The following SPATA2 variants were observed in gnomAD, a reference collection of about 807,000 sequenced individuals.
SPATA2 encodes spermatogenesis-associated protein 2.
A neutral mutation model predicts 35.4 loss-of-function variants in SPATA2; 8 were observed. The observed-to-expected ratio is 0.23, with a 90% CI of 0.13 to 0.41. SPATA2 has a LOEUF of 0.41. Among genes scored for constraint, SPATA2 ranks in the 10% least tolerant of loss-of-function variants. The pLI is 1.00. For missense variants in SPATA2, 650 were observed against 698.7 expected (o/e 0.93, Z 0.79); for synonymous variants, 293 against 300.9 (o/e 0.97, Z 0.27).
At position 49,906,828 on chromosome 20, in the gene SPATA2, A is replaced by C. The variant is rs2090148454; in HGVS notation, c.354T>G (p.Phe118Leu). 1 of 1,610,366 alleles carries C rather than the reference A, an allele frequency of 6.2e-7. No individual in the cohort carries two copies. Among genetic ancestry groups the C allele is most frequent in the Non-Finnish European group, 8.5e-7 (1 of 1,177,294 alleles). The change falls in exon 3 of 3, where the codon TTT (phenylalanine) becomes TTG (leucine). Residue 118 changes from phenylalanine (F) to leucine (L), a missense_variant. Physicochemically the swap from Phe to Leu is conservative, Grantham distance 22 (BLOSUM62 0). Transcript: ENST00000289431. This position sits in a 1 kb window ranked among gnomAD's most constrained non-coding sequence, Gnocchi z 8.2. ...GTAATGTCGACTTGACATAATAAAC[A>C]AAAGGGCCCGTGTAGGTCTAGAAGG... ...FRSIKTYTGP[F>L]VYYVKSTLLE...
At chr20:49,915,015 A>G (rs2090201598) in intron 1 of SPATA2, among the ~76,000 whole-genome samples, 1 of 152,260 alleles carries the variant, frequency 6.6e-6, no homozygotes, top group Non-Finnish European at 1.5e-5. Flanking sequence ...CCAAGGTCAC[A>G]CAGTGAGTAC....
Position 49,906,483 on chromosome 20 carries a change from C to T in SPATA2, c.699G>A (p.Ser233=), listed in dbSNP as rs781711107. ...AGTCCTTGGCCGCCCGCTCGCTGGC[C>T]GACTTCTGGAGTGCCACTCGTGACA... ...ASMSRVALQK[S]ASERAAKDYY... is the part of the protein sequence containing the mutation. The change falls in exon 3 of 3, where the codon TCG becomes TCA. Residue 233 remains serine (S), a synonymous_variant. Transcript: ENST00000289431. This position sits in a 1 kb window ranked among gnomAD's most constrained non-coding sequence, Gnocchi z 8.2. The T allele has an allele frequency of 1.2e-5, 20 of 1,611,164 alleles. No homozygotes were observed. The highest frequency in any genetic ancestry group is 8.9e-5 in the East Asian group (4 of 44,888).
In SPATA2 at chr20:49,903,918, T is replaced by C. The variant is rs1289928634; in HGVS notation, c.*1701A>G. On this transcript the variant is annotated 3_prime_UTR_variant, in exon 3 of 3. Coordinates refer to ENST00000289431, the MANE Select transcript of SPATA2 (RefSeq NM_006038.4). The stretch of plus-strand genomic sequence containing the variant: ...TACCAGATAGATATATATATATATA[T>C]ATATATATATATATATATATATATA... 71 of 35,878 alleles carry C rather than the reference T, an allele frequency of 2.0e-3. 1 individual carries two copies. The highest frequency in any genetic ancestry group is 5.1e-3 in the African/African-American group (67 of 13,220). 2.2% of individuals were successfully genotyped at this position (35,878 alleles called of 1,614,324 possible). A position where few individuals can be genotyped will look rare whatever the true frequency, so the allele number is the denominator to read the frequency against.
At chr20:49,909,475 G>A (rs961912783) in intron 1 of SPATA2, among the ~76,000 whole-genome samples, 3 of 152,042 alleles carry the variant, frequency 2.0e-5, no homozygotes, top group Non-Finnish European at 2.9e-5. Flanking sequence ...GGAGGCTGAC[G>A]GGGGAGGATG....
In SPATA2 at chr20:49,903,915, A is replaced by C. The variant is rs1229564966; in HGVS notation, c.*1704T>G. ...ATCTACCAGATAGATATATATATAT[A>C]TATATATATATATATATATATATAT... On this transcript the variant is annotated 3_prime_UTR_variant, in exon 3 of 3. Transcript: ENST00000289431. 1 of 31,204 alleles carries C rather than the reference A, an allele frequency of 3.2e-5. No homozygotes were observed. The highest frequency in any genetic ancestry group is 6.8e-5 in the Non-Finnish European group (1 of 14,700). The allele number at this position is 31,204 out of a possible 1,614,324, so 1.9% of individuals were successfully genotyped here. A position where few individuals can be genotyped will look rare whatever the true frequency, so the allele number is the denominator to read the frequency against.
In SPATA2 at chr20:49,905,476, G is replaced by A; in HGVS notation, c.*143C>T. 2 of 868,148 alleles carry A rather than the reference G, an allele frequency of 2.3e-6. No individual in the cohort carries two copies. Among genetic ancestry groups the A allele is most frequent in the Non-Finnish European group, 3.5e-6 (2 of 566,180 alleles). 53.8% of individuals were successfully genotyped at this position (868,148 alleles called of 1,614,324 possible). On this transcript the variant is annotated 3_prime_UTR_variant, in exon 3 of 3. Transcript: ENST00000289431. ...GAGTCGCTAAGTGAACTCCCACGTGGACACAGCCAGCCCACGATCTCTGCC... is the reference window on the plus strand; with the variant it reads ...GAGTCGCTAAGTGAACTCCCACGTGAACACAGCCAGCCCACGATCTCTGCC...
At chr20:49,911,644 G>A (rs567087819) in intron 1 of SPATA2, among the ~76,000 whole-genome samples, 22 of 151,340 alleles carry the variant, frequency 1.5e-4, no homozygotes, top group Non-Finnish European at 2.8e-4. Context: ...TCCAGCCTGG[G>A]CAACAGAGCG....
chr20:49,906,379 A>G lies in SPATA2; in HGVS notation c.803T>C (p.Leu268Pro). The G allele has an allele frequency of 6.2e-7, 1 of 1,613,852 alleles. No homozygotes were observed. ...DSYWESRKPP[L>P]KASLSLRKEP... ...CTTCCGAAGACTCAATGAGGCCTTC[A>G]GGGGTGGCTTCCGGCTCTCCCAGTA... Residue 268 changes from leucine to proline, a missense_variant, in exon 3 of 3, where the codon CTG (leucine) becomes CCG (proline). Physicochemically the swap from Leu to Pro is moderately conservative, Grantham distance 98 (BLOSUM62 -3). Transcript: ENST00000289431. This position sits in a 1 kb window ranked among gnomAD's most constrained non-coding sequence, Gnocchi z 8.2.
chr20:49,906,862 A>G lies in SPATA2; in HGVS notation c.337-17T>C. On this transcript the variant is annotated splice_polypyrimidine_tract_variant and intron_variant, in intron 2 of 2. Coordinates refer to ENST00000289431, the MANE Select transcript of SPATA2 (RefSeq NM_006038.4). This position sits in a 1 kb window ranked among gnomAD's most constrained non-coding sequence, Gnocchi z 8.2. ...CGTGTAGGTCTAGAAGGGAGGGAGT[A>G]GAAAAGAAAGGTGGGGTTTTCTGTC... 6.3e-7 allele frequency: 1 copy of G among 1,585,472 alleles called. No homozygotes were observed. The highest frequency in any genetic ancestry group is 1.4e-5 in the African/African-American group (1 of 73,558).
Position 49,906,180 on chromosome 20 carries a change from G to A in SPATA2, c.1002C>T (p.Asp334=), listed in dbSNP as rs191242571. 420 of 1,587,012 alleles carry A rather than the reference G, an allele frequency of 2.6e-4. No individual in the cohort carries two copies. The highest frequency in any genetic ancestry group is 1.1e-3 in the East Asian group (51 of 44,508). ...LRGTYFSTQD[D]VDLYTDSEPR... ...GTTCAGAGTCTGTGTACAGATCCAC[G>A]TCATCCTGAGTGGAGAAGTAGGTAC... Residue 334 remains aspartate (D), a synonymous_variant, in exon 3 of 3, where the codon GAC becomes GAT. Transcript: ENST00000289431. This position sits in a 1 kb window ranked among gnomAD's most constrained non-coding sequence, Gnocchi z 8.2.
At chr20:49,914,908 G>A (rs538102775) in intron 1 of SPATA2, among the ~76,000 whole-genome samples, 143 of 152,316 alleles carry the variant, frequency 9.4e-4, no homozygotes, top group African/African-American at 3.4e-3. Context: ...GTATGCCAGA[G>A]GCCCTGCATG....
chr20:49,905,661 C>T lies in SPATA2; in HGVS notation c.1521G>A (p.Leu507=). 1 of 1,614,200 alleles carries T rather than the reference C, an allele frequency of 6.2e-7. No individual in the cohort carries two copies. The highest frequency in any genetic ancestry group is 8.5e-7 in the Non-Finnish European group (1 of 1,180,044). The stretch of plus-strand genomic sequence containing the variant: ...GGGAGAGCTGGGTGGACTTGTAGTT[C>T]AGCTGGTTGTTGGGCATGAACTTGT... ...ELHKFMPNNQ[L]NYKSTQLSHL... is the part of the protein sequence containing the mutation. Residue 507 remains leucine (L), a synonymous_variant, in exon 3 of 3, where the codon CTG becomes CTA. Transcript: ENST00000289431.
At position 49,906,220 on chromosome 20, in the gene SPATA2, G is replaced by A. The variant is rs766132264; in HGVS notation, c.962C>T (p.Pro321Leu). The change falls in exon 3 of 3, where the codon CCG becomes CTG. Residue 321 changes from proline (P) to leucine (L), a missense_variant. Transcript: ENST00000289431. This position sits in a 1 kb window ranked among gnomAD's most constrained non-coding sequence, Gnocchi z 8.2. The stretch of plus-strand genomic sequence containing the variant: ...GAAGTAGGTACCGCGCAGCAGGGCC[G>A]GGCCGTTGCTGGGGGAGGCGGGTGG... ...VLPPASPSNG[P>L]ALLRGTYFST... 40 of 1,570,754 alleles carry A rather than the reference G, an allele frequency of 2.5e-5. No homozygotes were observed. Among genetic ancestry groups the A allele is most frequent in the South Asian group, 2.0e-4 (17 of 83,360 alleles).
chr20:49,905,850 C>T lies in SPATA2; in HGVS notation c.1332G>A (p.Pro444=), dbSNP rs376954971. The T allele has an allele frequency of 2.0e-5, 32 of 1,613,776 alleles. No homozygotes were observed. Among genetic ancestry groups the T allele is most frequent in the Admixed American group, 3.3e-5 (2 of 59,998 alleles). ...PGQTQGLDRL[P]HLHSKSKPST... ...AGGGCTTGGATTTGGAGTGAAGGTG[C>T]GGGAGGCGGTCGAGGCCCTGAGTCT... The change falls in exon 3 of 3, where the codon CCG becomes CCA. Residue 444 remains proline (P), a synonymous_variant. Coordinates refer to ENST00000289431, the MANE Select transcript of SPATA2 (RefSeq NM_006038.4).
In SPATA2 at chr20:49,904,287, C is replaced by T. The variant is rs2090127121; in HGVS notation, c.*1332G>A. 1 of 152,446 alleles carries T rather than the reference C, an allele frequency of 6.6e-6. No homozygotes were observed. The highest frequency in any genetic ancestry group is 1.5e-5 in the Non-Finnish European group (1 of 68,016). 9.4% of individuals were successfully genotyped at this position (152,446 alleles called of 1,614,324 possible). ...GCCTTCAGGCTTGGAAGCGCTTAGG[C>T]TTAGCTGAGCATCTGAGGAGCCGTC... On this transcript the variant is annotated 3_prime_UTR_variant, in exon 3 of 3. Coordinates refer to ENST00000289431, the MANE Select transcript of SPATA2 (RefSeq NM_006038.4).
In SPATA2 at chr20:49,915,420, A is replaced by C. The variant is rs915739269; in HGVS notation, c.-143T>G. 9.2e-5 allele frequency: 14 copies of C among 152,104 alleles called. No homozygotes were observed. The highest frequency in any genetic ancestry group is 2.9e-4 in the African/African-American group (12 of 41,428). 9.4% of individuals were successfully genotyped at this position (152,104 alleles called of 1,614,324 possible). On this transcript the variant is annotated 5_prime_UTR_variant, in exon 1 of 3. Coordinates refer to ENST00000289431, the MANE Select transcript of SPATA2 (RefSeq NM_006038.4). ...GAGGACGGCCCGGCCGAGGGAAGCA[A>C]GCGAGAGGCGCGGCTGCCGCCGGAG... is the stretch of plus-strand genomic sequence containing the variant.
intron 1 of SPATA2, among the ~76,000 whole-genome samples, chr20:49,909,922 C>T (rs2090173437): frequency 6.6e-6 from 1 of 152,216 alleles, no homozygotes; most frequent in African/African-American, 2.4e-5. Context: ...GGCTACCGGC[C>T]CCTGGAGTGC....
At chr20:49,908,003 G>A in intron 2 of SPATA2, 152 bp downstream of exon 2, 1 of 780,564 alleles carries the variant, frequency 1.3e-6, no homozygotes. Context: ...ACGGTTCAGA[G>A]GTGATGCTGG....
At chr20:49,911,466 C>T (rs1301243062) in intron 1 of SPATA2, among the ~76,000 whole-genome samples, 1 of 151,972 alleles carries the variant, frequency 6.6e-6, no homozygotes, top group Non-Finnish European at 1.5e-5. Flanking sequence ...GAGTTCGAGA[C>T]CAGCCTGGGC....
Sources: gnomAD v4.1 joint callset for allele counts (sites outside exome capture counted in the v4.1 genomes callset) on GRCh38, gnomAD v4.1.1 for gene constraint, Gnocchi (gnomAD v3.1) non-coding constraint, MANE v1.5 for transcripts, NCBI Gene and HGNC (gene_info 2026-07-23, HGNC 2026-07-21) for gene names.